Variants in DKK2 observed in about 807,000 individuals in gnomAD.
DKK2 encodes the protein dickkopf Wnt signaling pathway inhibitor 2.
Under a neutral mutation model 28.1 loss-of-function variants are expected in DKK2, and 11 were observed. The ratio of observed to expected loss-of-function variants is 0.39; its 90% CI spans 0.25 to 0.65. The LOEUF is 0.65. Among genes scored for constraint, DKK2 ranks in the 30% least tolerant of loss-of-function variants. The pLI is 0.47. For synonymous variants in DKK2, 135 were observed against 126.5 expected (o/e 1.07, Z -0.45); for missense variants, 326 against 335.5 (o/e 0.97, Z 0.22).
chr4:107,025,702 A>C (rs1166094954), intron 1 of DKK2, among the ~76,000 whole-genome samples: 1 of 152,170 alleles, frequency 6.6e-6, no homozygotes, highest in Non-Finnish European at 1.5e-5. Context: ...AGGACTGAAA[A>C]AGTGAGCAAC....
rs1050945929 is a variant in DKK2 at position 107,035,937 on chromosome 4, G to T, written c.-346C>A. On this transcript the variant is annotated 5_prime_UTR_variant, in exon 1 of 4. Coordinates refer to ENST00000285311, the MANE Select transcript of DKK2 (RefSeq NM_014421.3). ...CACCGCTTCCGTTCCTTCTTGCCCC[G>T]CACCTCCTTGGTCCCGCCGGGATCT... The T allele has an allele frequency of 3.1e-6, 1 of 317,600 alleles. No homozygotes were observed. Among genetic ancestry groups the T allele is most frequent in the Non-Finnish European group, 5.9e-6 (1 of 168,116 alleles). 19.7% of individuals were successfully genotyped at this position (317,600 alleles called of 1,614,324 possible). A position where few individuals can be genotyped will look rare whatever the true frequency, so the allele number is the denominator to read the frequency against.
chr4:106,955,494 T>C (rs1345296528), intron 1 of DKK2, among the ~76,000 whole-genome samples: 1 of 152,102 alleles, frequency 6.6e-6, no homozygotes, highest in South Asian at 2.1e-4. Flanking sequence ...CCCTATGGAA[T>C]TACACCCAAC....
At chr4:107,010,237 T>A (rs189790257) in intron 1 of DKK2, among the ~76,000 whole-genome samples, 6 of 151,922 alleles carry the variant, frequency 3.9e-5, no homozygotes, top group Admixed American at 3.3e-4. Flanking sequence ...TGAAGCCTCA[T>A]CAACTTAAAA....
At chr4:106,974,426 G>A (rs1201434930) in intron 1 of DKK2, among the ~76,000 whole-genome samples, 1 of 152,060 alleles carries the variant, frequency 6.6e-6, no homozygotes, top group South Asian at 2.1e-4. Context: ...TTCAGCAGTG[G>A]TTTGTAGTTC....
rs181247383 is a variant in DKK2 at position 106,969,858 on chromosome 4, C to T, written c.223-43909G>A. Among the ~76,000 whole-genome samples the T allele has an allele frequency of 7.2e-5, 11 of 152,184 alleles. No homozygotes were observed. In the East Asian group the frequency reaches 1.2e-3, roughly 16 times the overall value. On this transcript the variant is annotated intron_variant, in intron 1 of 3. Coordinates refer to ENST00000285311, the MANE Select transcript of DKK2 (RefSeq NM_014421.3). ...CTATCACCCTCATAATTCTAACCTTCCTCTCGGGTCAAATCTGTGGGGCCT... is the reference window on the plus strand; with the variant it reads ...CTATCACCCTCATAATTCTAACCTTTCTCTCGGGTCAAATCTGTGGGGCCT...
At chr4:106,967,196 T>A (rs1722795894) in intron 1 of DKK2, among the ~76,000 whole-genome samples, 1 of 152,080 alleles carries the variant, frequency 6.6e-6, no homozygotes, top group Non-Finnish European at 1.5e-5. Context: ...AACACAACAT[T>A]TGCTTTTAGG....
At chr4:106,979,705 A>C (rs1395103913) in intron 1 of DKK2, among the ~76,000 whole-genome samples, 1 of 152,234 alleles carries the variant, frequency 6.6e-6, no homozygotes, top group Non-Finnish European at 1.5e-5. Flanking sequence ...GCACGTGTTC[A>C]GGATCAGCTC....
At chr4:107,002,980 G>A (rs948751274) in intron 1 of DKK2, among the ~76,000 whole-genome samples, 3 of 152,108 alleles carry the variant, frequency 2.0e-5, no homozygotes, top group African/African-American at 4.8e-5. Context: ...TTACAGATGA[G>A]GAATAATACA....
chr4:106,989,556 G>A (rs1447295973), intron 1 of DKK2, among the ~76,000 whole-genome samples: 3 of 152,088 alleles, frequency 2.0e-5, no homozygotes, highest in Admixed American at 2.0e-4. Flanking sequence ...GAATTATTCT[G>A]GTAGAGCACA....
intron 1 of DKK2, among the ~76,000 whole-genome samples, chr4:106,936,298 C>T (rs1376062197): frequency 6.6e-6 from 1 of 152,086 alleles, no homozygotes; most frequent in Non-Finnish European, 1.5e-5. Context: ...AAAACCAAGG[C>T]TCAAGAACTA....
At chr4:106,987,249 G>C (rs1249928808) in intron 1 of DKK2, among the ~76,000 whole-genome samples, 1 of 152,116 alleles carries the variant, frequency 6.6e-6, no homozygotes, top group Non-Finnish European at 1.5e-5. Context: ...ATTCTTAGTA[G>C]AGAAGAATAA....
rs1203826425 is a variant in DKK2 at position 107,029,064 on chromosome 4, A to G, written c.222+6306T>C. Among the ~76,000 whole-genome samples the G allele has an allele frequency of 4.6e-5, 7 of 152,186 alleles. No individual in the cohort carries two copies. The East Asian group carries it at 7.7e-4, about 17-fold the overall frequency. Reference sequence around the variant, plus strand: ...GCAGGGATGAAAATAACGTATTGCTATGGTGCCTGCCTTAGTATCCATGAA... The same window carrying G: ...GCAGGGATGAAAATAACGTATTGCTGTGGTGCCTGCCTTAGTATCCATGAA... On this transcript the variant is annotated intron_variant, in intron 1 of 3. Transcript: ENST00000285311.
chr4:106,946,571 C>A (rs1472692743), intron 1 of DKK2, among the ~76,000 whole-genome samples: 2 of 152,124 alleles, frequency 1.3e-5, no homozygotes, highest in Non-Finnish European at 2.9e-5. Context: ...AACTCCCAAA[C>A]TAATCTTCAA....
intron 1 of DKK2, among the ~76,000 whole-genome samples, chr4:106,953,921 A>G (rs1050813888): frequency 6.6e-6 from 1 of 152,162 alleles, no homozygotes; most frequent in African/African-American, 2.4e-5. Context: ...CTGCTGTGCA[A>G]TGTGGTGAGG....
At chr4:106,976,684 C>G (rs539905485) in intron 1 of DKK2, among the ~76,000 whole-genome samples, 1 of 152,134 alleles carries the variant, frequency 6.6e-6, no homozygotes, top group African/African-American at 2.4e-5. Flanking sequence ...GGTTTTGACT[C>G]TTTATCCAAT....
At chr4:106,954,068 T>C (rs1419151106) in intron 1 of DKK2, among the ~76,000 whole-genome samples, 3 of 152,170 alleles carry the variant, frequency 2.0e-5, no homozygotes, top group African/African-American at 7.2e-5. Context: ...TGAGATAATA[T>C]GTTATTTAAA....
intron 1 of DKK2, among the ~76,000 whole-genome samples, chr4:107,025,381 G>A (rs1723759434): frequency 6.6e-6 from 1 of 152,200 alleles, no homozygotes; most frequent in African/African-American, 2.4e-5. Context: ...CACAGCAGAA[G>A]AGAAGAAAAG....
intron 1 of DKK2, among the ~76,000 whole-genome samples, chr4:106,987,863 C>A (rs1385515848): frequency 7.0e-6 from 1 of 143,608 alleles, no homozygotes; most frequent in African/African-American, 2.5e-5. Flanking sequence ...ATGTTACTCT[C>A]TTCTTTTTTT....
intron 1 of DKK2, among the ~76,000 whole-genome samples, chr4:107,008,665 G>C (rs1723473673): frequency 6.6e-6 from 1 of 152,016 alleles, no homozygotes; most frequent in South Asian, 2.1e-4. Context: ...GAAGATCAAA[G>C]AGAGAGGGCC....
Sources: allele counts gnomAD v4.1 joint callset (sites outside exome capture counted in the v4.1 genomes callset), GRCh38; gene constraint gnomAD v4.1.1; transcripts MANE v1.5; gene names NCBI Gene and HGNC (gene_info 2026-07-23, HGNC 2026-07-21).